BABAM2: variants seen among roughly 807,000 people sequenced by gnomAD.
BABAM2 encodes BRISC and BRCA1 A complex member 2.
Under a neutral mutation model 54.7 loss-of-function variants are expected in BABAM2, and 31 were observed. The ratio of observed to expected loss-of-function variants is 0.57; its 90% CI spans 0.43 to 0.77. The LOEUF is 0.77. Ranked by LOEUF, BABAM2 falls within the 30% of genes least tolerant of loss-of-function variation. The pLI, the probability that BABAM2 is intolerant of heterozygous loss-of-function variation, is 0.00. For synonymous variants in BABAM2, 167 were observed against 162.9 expected (o/e 1.03, Z -0.19); for missense variants, 364 against 455.8 (o/e 0.80, Z 1.83).
At chr2:27,938,540 T>C (rs1450687279) in intron 3 of BABAM2, among the ~76,000 whole-genome samples, 2 of 151,050 alleles carry the variant, frequency 1.3e-5, no homozygotes, top group Admixed American at 1.3e-4. Context: ...TACAGGCACG[T>C]GTCACAACAC....
chr2:28,314,461 T>C (rs1689342605), intron 11 of BABAM2, among the ~76,000 whole-genome samples: 1 of 152,244 alleles, frequency 6.6e-6, no homozygotes, highest in Non-Finnish European at 1.5e-5. Context: ...AGCTCAGCTC[T>C]CTGTTTAGAA....
At chr2:27,988,228 A>G in intron 4 of BABAM2, 141 bp downstream of exon 4, 1 of 741,494 alleles carries the variant, frequency 1.3e-6, no homozygotes, top group Non-Finnish European at 2.3e-6. Flanking sequence ...TGTGAAATAG[A>G]TGGAACTCTT....
intron 3 of BABAM2, among the ~76,000 whole-genome samples, chr2:27,937,083 T>C (rs544999035): frequency 6.6e-6 from 1 of 152,316 alleles, no homozygotes; most frequent in African/African-American, 2.4e-5. Context: ...AAAAAGTTTA[T>C]ATGACTTTGC....
At chr2:27,908,853 C>T (rs1007938651) in intron 2 of BABAM2, among the ~76,000 whole-genome samples, 6 of 152,134 alleles carry the variant, frequency 3.9e-5, no homozygotes, top group African/African-American at 7.2e-5. Context: ...ATATTCCCAC[C>T]AGCAAGACAC....
At chr2:28,277,944 A>G (rs1193814021) in intron 10 of BABAM2, among the ~76,000 whole-genome samples, 1 of 152,228 alleles carries the variant, frequency 6.6e-6, no homozygotes, top group Non-Finnish European at 1.5e-5. Flanking sequence ...GGTTTTACAC[A>G]TATGTCCTAG....
chr2:27,988,516 T>C (rs930817617), intron 4 of BABAM2, among the ~76,000 whole-genome samples: 5 of 152,164 alleles, frequency 3.3e-5, no homozygotes, highest in African/African-American at 1.2e-4. Context: ...AAATTTGGAC[T>C]TGTATCCGCA....
At chr2:28,187,759 C>T (rs1467381767) in intron 7 of BABAM2, among the ~76,000 whole-genome samples, 1 of 149,482 alleles carries the variant, frequency 6.7e-6, no homozygotes, top group African/African-American at 2.5e-5. Flanking sequence ...ACCTCTGCCT[C>T]CTGGGTTCAA....
At chr2:28,230,872 A>G (rs968799395) in intron 7 of BABAM2, among the ~76,000 whole-genome samples, 3 of 152,210 alleles carry the variant, frequency 2.0e-5, no homozygotes, top group African/African-American at 7.2e-5. Context: ...TTAAGATGAT[A>G]AAAAGTGAGA....
At chr2:27,899,831 A>G (rs1003200839) in intron 2 of BABAM2, among the ~76,000 whole-genome samples, 6 of 152,176 alleles carry the variant, frequency 3.9e-5, no homozygotes, top group Non-Finnish European at 8.8e-5. Context: ...ATGACATTTA[A>G]TATGTATGGA....
At chr2:28,120,539 T>A (rs962614750) in intron 6 of BABAM2, among the ~76,000 whole-genome samples, 1 of 152,190 alleles carries the variant, frequency 6.6e-6, no homozygotes, top group Non-Finnish European at 1.5e-5. Context: ...AGTTTCTTCA[T>A]CTGCAAGTGA....
At chr2:28,311,271 A>G (rs1288190662) in intron 11 of BABAM2, among the ~76,000 whole-genome samples, 1 of 151,912 alleles carries the variant, frequency 6.6e-6, no homozygotes, top group African/African-American at 2.4e-5. Flanking sequence ...AAAAAAAAAA[A>G]AAAAAAAAGA....
At chr2:27,926,086 T>C (rs1667681339) in intron 2 of BABAM2, among the ~76,000 whole-genome samples, 1 of 150,722 alleles carries the variant, frequency 6.6e-6, no homozygotes. Flanking sequence ...ATTTTATCTC[T>C]TGTGGTCTTT....
In BABAM2 at chr2:28,244,780, A is replaced by C; in HGVS notation, c.852A>C (p.Thr284=). The part of the protein sequence containing the change: ...YIAAFLSHFG[T]GVVEYDAEGF... The stretch of plus-strand genomic sequence containing the variant: ...GTGTGTGTATGTTTTTATTACTTAG[A>C]GGTGTCGTGGAATATGATGCAGAAG... Residue 284 remains threonine, a splice_region_variant and synonymous_variant, in exon 10 of 12, where the codon ACA becomes ACC. Coordinates refer to ENST00000379624, the MANE Select transcript of BABAM2 (RefSeq NM_199191.3). 2 of 1,612,906 alleles carry C rather than the reference A, an allele frequency of 1.2e-6. No homozygotes were observed. The highest frequency in any genetic ancestry group is 1.7e-6 in the Non-Finnish European group (2 of 1,179,512).
chr2:28,174,552 A>G (rs1186616052), intron 7 of BABAM2, among the ~76,000 whole-genome samples: 3 of 151,768 alleles, frequency 2.0e-5, no homozygotes, highest in African/African-American at 7.3e-5. Flanking sequence ...GGGATCAGCT[A>G]GAAGCCCTGA....
At chr2:27,929,786 G>C in intron 2 of BABAM2, 46 bp from the exon 3 acceptor site, 1 of 1,556,348 alleles carries the variant, frequency 6.4e-7, no homozygotes, top group South Asian at 1.1e-5. Context: ...TTTAAAGTTT[G>C]TTTTTAAAAA....
chr2:28,135,250 G>A (rs1007411068), intron 7 of BABAM2, among the ~76,000 whole-genome samples: 3 of 152,164 alleles, frequency 2.0e-5, no homozygotes, highest in Non-Finnish European at 4.4e-5. Flanking sequence ...AACAATAACA[G>A]ATATGTATTT....
chr2:28,145,329 G>C (rs1003473798), intron 7 of BABAM2, among the ~76,000 whole-genome samples: 15 of 152,052 alleles, frequency 9.9e-5, no homozygotes, highest in Admixed American at 8.5e-4. Flanking sequence ...CAGCTATTTG[G>C]CTCCAGCCTC....
intron 3 of BABAM2, among the ~76,000 whole-genome samples, chr2:27,960,463 T>C (rs889729005): frequency 2.6e-5 from 4 of 152,092 alleles, no homozygotes; most frequent in Admixed American, 6.5e-5. Flanking sequence ...GTTTTTTTTT[T>C]CTCCCCAGCT....
At chr2:28,260,528 C>G (rs147988700) in intron 10 of BABAM2, among the ~76,000 whole-genome samples, 2,171 of 150,550 alleles carry the variant, frequency 0.014, 49 homozygotes, top group African/African-American at 0.05. Flanking sequence ...TCTTGAACTC[C>G]TAACCTCAGG....
Sources: allele counts gnomAD v4.1 joint callset (sites outside exome capture counted in the v4.1 genomes callset), GRCh38; gene constraint gnomAD v4.1.1; transcripts MANE v1.5; gene names NCBI Gene and HGNC (gene_info 2026-07-23, HGNC 2026-07-21).